ALK: variants seen among roughly 807,000 people sequenced by gnomAD.
The protein encoded by ALK is ALK receptor tyrosine kinase.
Under a neutral mutation model 163.1 loss-of-function variants are expected in ALK, and 74 were observed. That is an observed-to-expected ratio of 0.45 (90% CI 0.38 to 0.55). The LOEUF (loss-of-function observed/expected upper bound fraction) is 0.55. Ranked by LOEUF, ALK falls within the 20% of genes least tolerant of loss-of-function variation. The pLI is 0.00. For synonymous variants in ALK, 960 were observed against 843.2 expected, an observed-to-expected ratio of 1.14 and a Z score of -2.40; for missense variants, 2,063 against 2,105.3, an observed-to-expected ratio of 0.98 and a Z score of 0.39.
intron 3 of ALK, among the ~76,000 whole-genome samples, chr2:29,645,713 C>T (rs770335067): frequency 3.3e-5 from 5 of 152,102 alleles, no homozygotes; most frequent in Non-Finnish European, 7.4e-5. Context: ...GGTCAACCCT[C>T]AGCCCTCAGA....
intron 26 of ALK, among the ~76,000 whole-genome samples, chr2:29,200,770 T>C (rs1413886390): frequency 1.1e-5 from 1 of 94,402 alleles, no homozygotes; most frequent in Non-Finnish European, 2.0e-5. Flanking sequence ...TGTATATATA[T>C]ACGTATATAT....
At chr2:29,882,216 T>C (rs1480010253) in intron 1 of ALK, among the ~76,000 whole-genome samples, 1 of 152,080 alleles carries the variant, frequency 6.6e-6, no homozygotes, top group East Asian at 1.9e-4. Flanking sequence ...CTTCTAGAAC[T>C]CGACTGTCAG....
chr2:29,644,481 TG>T (rs1676816032), intron 3 of ALK, among the ~76,000 whole-genome samples: 1 of 152,000 alleles, frequency 6.6e-6, no homozygotes, highest in South Asian at 2.1e-4. Flanking sequence ...GCTTTCCCTG[TG>T]GTTTCAGAAA....
chr2:29,469,466 C>T (rs138327595), intron 4 of ALK, among the ~76,000 whole-genome samples: 1 of 152,294 alleles, frequency 6.6e-6, no homozygotes, highest in East Asian at 1.9e-4. Context: ...AGGGTGTTCT[C>T]TCTCAGAAAG....
At chr2:29,409,428 C>T (rs768759352) in intron 4 of ALK, among the ~76,000 whole-genome samples, 9 of 152,122 alleles carry the variant, frequency 5.9e-5, no homozygotes, top group African/African-American at 1.2e-4. Flanking sequence ...GTCAGGCTCA[C>T]GGGACCATTG....
chr2:29,690,962 A>G (rs1439064605), intron 3 of ALK, among the ~76,000 whole-genome samples: 1 of 152,208 alleles, frequency 6.6e-6, no homozygotes, highest in African/African-American at 2.4e-5. Flanking sequence ...AAAATGACCA[A>G]GAAACTGAGA....
At chr2:29,209,661 G>A (rs1669410618) in intron 25 of ALK, 125 bp downstream of exon 25, 2 of 703,274 alleles carry the variant, frequency 2.8e-6, no homozygotes, top group South Asian at 1.7e-5. Flanking sequence ...GGAACTTAGT[G>A]AAATTTTAGG....
At chr2:29,875,111 C>G (rs1666670250) in intron 1 of ALK, among the ~76,000 whole-genome samples, 1 of 152,120 alleles carries the variant, frequency 6.6e-6, no homozygotes, top group Admixed American at 6.5e-5. Context: ...GTAGAAATAA[C>G]CCAAATGACC....
intron 3 of ALK, among the ~76,000 whole-genome samples, chr2:29,597,604 C>T (rs1344681208): frequency 6.6e-6 from 1 of 152,194 alleles, no homozygotes; most frequent in African/African-American, 2.4e-5. Flanking sequence ...TAAGAGGTCT[C>T]AACTGGTTTT....
chr2:29,227,787 C>T lies in ALK; in HGVS notation c.2816-115G>A. On this transcript the variant is annotated intron_variant, in intron 16 of 28. Transcript: ENST00000389048. The surrounding 1 kb of genome is among the most constrained non-coding windows in gnomAD (Gnocchi z 4.4). ...CCAAAGTTAGGGGGTCACTGGGGAC[C>T]TCAGGGGCAGGGATGCGGGGAGGGA... is the stretch of plus-strand genomic sequence containing the variant. 1 of 798,526 alleles carries T rather than the reference C, an allele frequency of 1.3e-6. No homozygotes were observed. The highest frequency in any genetic ancestry group is 2.2e-6 in the Non-Finnish European group (1 of 461,064). The allele number at this position is 798,526 out of a possible 1,614,324, so 49.5% of individuals were successfully genotyped here. A position where few individuals can be genotyped will look rare whatever the true frequency, so the allele number is the denominator to read the frequency against.
At chr2:29,324,100 C>G (rs182421508) in intron 6 of ALK, among the ~76,000 whole-genome samples, 1 of 152,366 alleles carries the variant, frequency 6.6e-6, no homozygotes, top group Non-Finnish European at 1.5e-5. Flanking sequence ...CAACCCCCTT[C>G]TTGGGCTGTA....
In ALK at chr2:29,392,553, C is replaced by A. The variant is rs4525647; in HGVS notation, c.1155-8694G>T. On this transcript the variant is annotated intron_variant, in intron 4 of 28. Coordinates refer to ENST00000389048, the MANE Select transcript of ALK (RefSeq NM_004304.5). ...TACTCGACCTCTGCATCTTCAGAAT[C>A]TGGACTGGAATATGCAGGCTTGTTG... Among the ~76,000 whole-genome samples, 9,552 of 152,226 alleles carry A rather than the reference C, an allele frequency of 0.063. 537 individuals carry two copies. Among genetic ancestry groups the A allele is most frequent in the East Asian group, 0.31 (1,615 of 5,172 alleles).
chr2:29,732,852 G>T (rs1679783470), intron 1 of ALK, among the ~76,000 whole-genome samples: 1 of 151,786 alleles, frequency 6.6e-6, no homozygotes, highest in Non-Finnish European at 1.5e-5. Context: ...CAATCTCTAG[G>T]ACTGTGAACA....
intron 11 of ALK, among the ~76,000 whole-genome samples, chr2:29,262,054 G>C (rs898383645): frequency 5.3e-5 from 8 of 152,174 alleles, no homozygotes; most frequent in African/African-American, 1.9e-4. Context: ...AATTTCAATG[G>C]ACAATTTATG....
chr2:29,701,872 T>A (rs1385157955), intron 2 of ALK, among the ~76,000 whole-genome samples: 1 of 152,148 alleles, frequency 6.6e-6, no homozygotes, highest in Non-Finnish European at 1.5e-5. Context: ...AGGAAGGGGC[T>A]ATGTGGTCTT....
At chr2:29,786,706 GT>G (rs1664037036) in intron 1 of ALK, among the ~76,000 whole-genome samples, 1 of 152,210 alleles carries the variant, frequency 6.6e-6, no homozygotes. Flanking sequence ...CTAATGAAAA[GT>G]TCCCTTGTAT....
chr2:29,310,286 A>G (rs111555997), intron 8 of ALK, among the ~76,000 whole-genome samples: 10 of 152,318 alleles, frequency 6.6e-5, no homozygotes, highest in African/African-American at 2.4e-4. Context: ...TTCTGTATCA[A>G]TAAATGGGGG....
intron 5 of ALK, among the ~76,000 whole-genome samples, chr2:29,339,745 G>A (rs1318505060): frequency 6.6e-6 from 1 of 152,176 alleles, no homozygotes; most frequent in Non-Finnish European, 1.5e-5. Flanking sequence ...GGACTGGCAG[G>A]GGGCCCGAGG....
chr2:29,362,132 TG>T (rs1668402073), intron 5 of ALK, among the ~76,000 whole-genome samples: 1 of 151,942 alleles, frequency 6.6e-6, no homozygotes, highest in African/African-American at 2.4e-5. Context: ...AATGGATTGA[TG>T]GGTGGTGGGC....
Sources: gnomAD v4.1 joint callset for allele counts (sites outside exome capture counted in the v4.1 genomes callset) on GRCh38, gnomAD v4.1.1 for gene constraint, Gnocchi (gnomAD v3.1) non-coding constraint, MANE v1.5 for transcripts, NCBI Gene and HGNC (gene_info 2026-07-23, HGNC 2026-07-21) for gene names.